The following PVT1 variants were observed in gnomAD, a reference collection of about 807,000 sequenced individuals.
PVT1 encodes CXCR4/PVT1 fusion.
chr8:127,899,662 G>A (rs904054656), intron 3 of PVT1, among the ~76,000 whole-genome samples: 1 of 152,176 alleles, frequency 6.6e-6, no homozygotes, highest in Non-Finnish European at 1.5e-5. Context: ...TATTTGGGGA[G>A]GGAGCCTGGA....
At chr8:127,893,189 CAT>C (rs1456877076) in intron 3 of PVT1, among the ~76,000 whole-genome samples, 1 of 152,214 alleles carries the variant, frequency 6.6e-6, no homozygotes, top group Non-Finnish European at 1.5e-5. Context: ...GCACATAGCA[CAT>C]GTTTTTCCAT....
intron 4 of PVT1, chr8:128,010,608 A>T (rs1817302939): frequency 1.3e-5 from 2 of 152,216 alleles, no homozygotes; most frequent in Non-Finnish European, 1.5e-5. Flanking sequence ...CACTGCGCAA[A>T]GCTCATGGCT....
chr8:128,067,254 T>A (rs529032176), intron 4 of PVT1, among the ~76,000 whole-genome samples: 1 of 152,350 alleles, frequency 6.6e-6, no homozygotes, highest in Admixed American at 6.5e-5. Context: ...CTGCAACGTC[T>A]TGGTGATAAC....
intron 5 of PVT1, among the ~76,000 whole-genome samples, chr8:128,090,786 C>T (rs17382663): frequency 0.27 from 40,443 of 152,024 alleles, 6,383 homozygotes; most frequent in Non-Finnish European, 0.35. Context: ...CATAGTTAAT[C>T]CAAGATCATC....
intron 2 of PVT1, among the ~76,000 whole-genome samples, chr8:127,848,085 A>G (rs1286464739): frequency 2.0e-5 from 3 of 152,178 alleles, no homozygotes; most frequent in South Asian, 2.1e-4. Context: ...AACATTGAGT[A>G]TATTATCTAT....
chr8:127,984,991 CTCTTTCCTTCCTTCCTTCCT>C (rs1171676233), intron 3 of PVT1, among the ~76,000 whole-genome samples: 3 of 65,836 alleles, frequency 4.6e-5, no homozygotes, highest in Admixed American at 2.9e-4. Flanking sequence ...TTCTTTCTTT[CTCTTTCCTTCCTTCCTTCCT>C]TCCTTCCTTC....
intron 5 of PVT1, among the ~76,000 whole-genome samples, chr8:128,071,610 A>G (rs182450123): frequency 3.9e-5 from 6 of 151,972 alleles, no homozygotes; most frequent in African/African-American, 1.4e-4. Flanking sequence ...GCTTGAGCCC[A>G]GGAGGTCAAG....
chr8:128,006,823 A>G (rs1298183937), intron 4 of PVT1, among the ~76,000 whole-genome samples: 1 of 152,114 alleles, frequency 6.6e-6, no homozygotes, highest in South Asian at 2.1e-4. Flanking sequence ...ATTTTTCTAG[A>G]TTTTACATTG....
At chr8:127,944,868 G>A (rs1365975267) in intron 3 of PVT1, among the ~76,000 whole-genome samples, 3 of 152,208 alleles carry the variant, frequency 2.0e-5, no homozygotes, top group Admixed American at 6.5e-5. Context: ...ATTGGTTTAA[G>A]TGGAATGAAA....
rs140873525 is a variant in PVT1, at chr8:127,927,559, T to C, written n.782+36561T>C. Among the ~76,000 whole-genome samples, 4 of 152,310 alleles carry C rather than the reference T, an allele frequency of 2.6e-5. No homozygotes were observed. The East Asian group carries it at 5.8e-4, about 22-fold the overall frequency. On this transcript the variant is annotated intron_variant and non_coding_transcript_variant, in intron 3 of 10. Coordinates refer to ENST00000651587, the Ensembl canonical transcript of PVT1. Reference sequence around the variant, plus strand: ...TGCTTGCTGCATGGTCCAGGATCTGTGGGGCCTGTCTTCTTTACCACTTTG... The same window carrying C: ...TGCTTGCTGCATGGTCCAGGATCTGCGGGGCCTGTCTTCTTTACCACTTTG...
Position 127,938,552 on chromosome 8 carries a change from A to G in PVT1, n.782+47554A>G, listed in dbSNP as rs77701031. ...ATATGTATTTGAAAGCTTCTAGCAA[A>G]ACAGATTACACAAGAACGCAAATGT... On this transcript the variant is annotated intron_variant and non_coding_transcript_variant, in intron 3 of 10. Coordinates refer to ENST00000651587, the Ensembl canonical transcript of PVT1. Among the ~76,000 whole-genome samples the G allele has an allele frequency of 4.4e-3, 663 of 152,322 alleles. 4 individuals carry two copies. The highest frequency in any genetic ancestry group is 0.015 in the African/African-American group (633 of 41,564).
At position 127,879,606 on chromosome 8, in the gene PVT1, G is replaced by T. The variant is rs548035255; in HGVS notation, n.373-10983G>T. On this transcript the variant is annotated intron_variant and non_coding_transcript_variant, in intron 2 of 10. Transcript: ENST00000651587. Reference sequence around the variant, plus strand: ...AGGCAGTGCCTGGGCTCGTATCCTAGCTCTGTCTCTTGCTGACTCCTGCAT... The same window carrying T: ...AGGCAGTGCCTGGGCTCGTATCCTATCTCTGTCTCTTGCTGACTCCTGCAT... 3.9e-5 allele frequency among the ~76,000 whole-genome samples: 6 copies of T among 152,290 alleles called. No individual in the cohort carries two copies. The South Asian group carries it at 1.2e-3, about 32-fold the overall frequency.
intron 3 of PVT1, among the ~76,000 whole-genome samples, chr8:127,910,877 C>CTGTG (rs138999481): frequency 1.4e-5 from 2 of 143,576 alleles, no homozygotes; most frequent in Admixed American, 6.9e-5. Context: ...TATCAGTCTG[C>CTGTG]TGTGTGTGTG....
At chr8:128,003,910 G>A (rs1402277589) in intron 4 of PVT1, among the ~76,000 whole-genome samples, 1 of 152,202 alleles carries the variant, frequency 6.6e-6, no homozygotes, top group Admixed American at 6.5e-5. Flanking sequence ...CTAGAGGCTG[G>A]GAAGTCCAAG....
chr8:127,873,904 G>T (rs1815377990), intron 2 of PVT1, among the ~76,000 whole-genome samples: 1 of 152,216 alleles, frequency 6.6e-6, no homozygotes, highest in Non-Finnish European at 1.5e-5. Context: ...TACAATAGGT[G>T]TGCAGTAAAT....
At chr8:128,068,429 C>T (rs543043076) in intron 4 of PVT1, among the ~76,000 whole-genome samples, 3 of 152,206 alleles carry the variant, frequency 2.0e-5, no homozygotes, top group East Asian at 3.9e-4. Context: ...GTGATGTTCA[C>T]CAGAAAATCA....
At chr8:127,878,130 T>C (rs1001699357) in intron 2 of PVT1, among the ~76,000 whole-genome samples, 1 of 152,148 alleles carries the variant, frequency 6.6e-6, no homozygotes, top group African/African-American at 2.4e-5. Flanking sequence ...TTTGGACCTT[T>C]GCTGACCTTT....
chr8:128,097,790 C>A (rs1814447751), intron 6 of PVT1, among the ~76,000 whole-genome samples: 1 of 152,220 alleles, frequency 6.6e-6, no homozygotes, highest in Admixed American at 6.5e-5. Context: ...TACTTCCTAG[C>A]TGCACTCTGG....
rs529747447 is a variant in PVT1 at position 127,866,895 on chromosome 8, C to T, written n.373-23694C>T. Among the ~76,000 whole-genome samples the T allele has an allele frequency of 2.6e-5, 4 of 152,260 alleles. No individual in the cohort carries two copies. The East Asian group carries it at 5.8e-4, about 22-fold the overall frequency. On this transcript the variant is annotated intron_variant and non_coding_transcript_variant, in intron 2 of 10. Transcript: ENST00000651587. The stretch of plus-strand genomic sequence containing the variant: ...AACACATTATCAAGGAGCCTTGGGC[C>T]GTGTTAGAGGAAGGCTCCTTGTGCC...
Sources: gnomAD v4.1 joint callset for allele counts (sites outside exome capture counted in the v4.1 genomes callset) on GRCh38, gnomAD v4.1.1 for gene constraint, MANE v1.5 for transcripts, NCBI Gene and HGNC (gene_info 2026-07-23, HGNC 2026-07-21) for gene names.